Variants in UBE2O observed in about 807,000 individuals in gnomAD.
UBE2O encodes (E3-independent) E2 ubiquitin-conjugating enzyme.
In UBE2O, 15 loss-of-function variants were observed where a neutral mutation model predicts 125.8. The ratio of observed to expected loss-of-function variants is 0.12; its 90% CI spans 0.08 to 0.18. The LOEUF (loss-of-function observed/expected upper bound fraction) is 0.18, where lower values mean the gene tolerates loss of function less well. Among genes scored for constraint, UBE2O ranks in the 10% least tolerant of loss-of-function variants. The pLI, the probability that UBE2O is intolerant of heterozygous loss-of-function variation, is 1.00. For synonymous variants in UBE2O, 708 were observed against 703.2 expected, an observed-to-expected ratio of 1.01 and a Z score of -0.11; for missense variants, 1,280 against 1,723.6, an observed-to-expected ratio of 0.74 and a Z score of 4.56.
chr17:76,446,321 A>T (rs1374760579), intron 1 of UBE2O, among the ~76,000 whole-genome samples: 3 of 152,222 alleles, frequency 2.0e-5, no homozygotes, highest in African/African-American at 7.2e-5. Context: ...TTCATGTTAT[A>T]CACGACAATT....
chr17:76,399,714 C>T lies in UBE2O; in HGVS notation c.1363G>A (p.Glu455Lys), dbSNP rs34603906. 104 of 1,614,038 alleles carry T rather than the reference C, an allele frequency of 6.4e-5. No homozygotes were observed. Among genetic ancestry groups the T allele is most frequent in the Non-Finnish European group, 8.5e-5 (100 of 1,180,044 alleles). ...AATGGGGGCAGCTGCTCTCCTGCCT[C>T]GTGGGGCTCCTCTGCACCCTCGTCC... is the stretch of plus-strand genomic sequence containing the variant. ...MQDEGAEEPH[E>K]AGEQLPPFLL... The change falls in exon 9 of 18, where the codon GAG becomes AAG. Residue 455 changes from glutamate (E) to lysine (K), a missense_variant. Glu to Lys is a moderately conservative substitution (Grantham distance 56). This residue lies in a region of UBE2O where 141 missense variants were observed against 141.3 expected (regional missense o/e 1.00). Coordinates refer to ENST00000319380, the MANE Select transcript of UBE2O (RefSeq NM_022066.4). This position sits in a 1 kb window ranked among gnomAD's most constrained non-coding sequence, Gnocchi z 6.9.
intron 1 of UBE2O, among the ~76,000 whole-genome samples, chr17:76,434,549 T>G (rs1443614110): frequency 6.6e-6 from 1 of 152,098 alleles, no homozygotes; most frequent in Non-Finnish European, 1.5e-5. Context: ...AAGCATGAAT[T>G]AGGGTGACTC....
chr17:76,402,762 AT>A lies in UBE2O; in HGVS notation c.589-64del. 2 of 1,363,718 alleles carry A rather than the reference AT, an allele frequency of 1.5e-6. No individual in the cohort carries two copies. The highest frequency in any genetic ancestry group is 2.1e-6 in the Non-Finnish European group (2 of 952,476). 84.5% of individuals were successfully genotyped at this position (1,363,718 alleles called of 1,614,324 possible). On this transcript the variant is annotated intron_variant, in intron 3 of 17. Coordinates refer to ENST00000319380, the MANE Select transcript of UBE2O (RefSeq NM_022066.4). The surrounding 1 kb of genome is among the most constrained non-coding windows in gnomAD (Gnocchi z 5.4). ...GACAACGTTCATGTCCAGGGCACAG[AT>A]TCCTCTATGCCCCACCGAAGACAGG...
rs1314958297 is a variant in UBE2O, at chr17:76,405,563, C to G, written c.427G>C (p.Glu143Gln). ...QHVKETKLKL[E>Q]DRSVVPRDVV... ...TCTCGGGGCACCACAGAACGGTCCT[C>G]TAGTTTCAGCTGTAAAAGAAAATAC... is the stretch of plus-strand genomic sequence containing the variant. The change falls in exon 2 of 18, where the codon GAG becomes CAG. Residue 143 changes from glutamate to glutamine, a missense_variant. Around this residue, in one of 10 missense-constraint regions of UBE2O, gnomAD observed 206 missense variants for 315.7 expected, o/e 0.65. Coordinates refer to ENST00000319380, the MANE Select transcript of UBE2O (RefSeq NM_022066.4). The surrounding 1 kb of genome is among the most constrained non-coding windows in gnomAD (Gnocchi z 6.1). 2 of 1,592,888 alleles carry G rather than the reference C, an allele frequency of 1.3e-6. No individual in the cohort carries two copies. The highest frequency in any genetic ancestry group is 1.1e-5 in the South Asian group (1 of 87,012).
At chr17:76,442,860 T>TAC (rs2073095783) in intron 1 of UBE2O, among the ~76,000 whole-genome samples, 1 of 152,070 alleles carries the variant, frequency 6.6e-6, no homozygotes, top group African/African-American at 2.4e-5. Context: ...GGGAGAAGGC[T>TAC]ACACAGTGCA....
chr17:76,431,186 T>C lies in UBE2O; in HGVS notation c.417+21539A>G, dbSNP rs181611114. On this transcript the variant is annotated intron_variant, in intron 1 of 17. Coordinates refer to ENST00000319380, the MANE Select transcript of UBE2O (RefSeq NM_022066.4). ...ATCTTTGTTTTGCAAAGTACTTATA[T>C]ACAACTAGATCTGAAGATGAAGGAG... The C allele has an allele frequency of 2.4e-4, 39 of 164,604 alleles. No homozygotes were observed. The East Asian group carries it at 7.2e-3, about 31-fold the overall frequency. The allele number at this position is 164,604 out of a possible 1,614,324, so 10.2% of individuals were successfully genotyped here.
chr17:76,393,422 A>T (rs2072149422), intron 15 of UBE2O, among the ~76,000 whole-genome samples: 2 of 151,712 alleles, frequency 1.3e-5, no homozygotes, highest in South Asian at 4.2e-4. Context: ...TTTAATAGAG[A>T]CGGGGTTTCA....
At chr17:76,423,447 A>G (rs2072741505) in intron 1 of UBE2O, among the ~76,000 whole-genome samples, 1 of 151,964 alleles carries the variant, frequency 6.6e-6, no homozygotes, top group Non-Finnish European at 1.5e-5. Context: ...TAATCCCAGC[A>G]CTTCGGGAGG....
intron 13 of UBE2O, among the ~76,000 whole-genome samples, chr17:76,397,266 C>T (rs892961031): frequency 1.3e-5 from 2 of 152,128 alleles, no homozygotes; most frequent in Admixed American, 6.6e-5. Context: ...CTGGAATGGC[C>T]GTTAAGGTGA....
At chr17:76,438,294 T>C (rs1179719838) in intron 1 of UBE2O, among the ~76,000 whole-genome samples, 1 of 152,206 alleles carries the variant, frequency 6.6e-6, no homozygotes, top group East Asian at 1.9e-4. Flanking sequence ...ATGTACTTAA[T>C]GGCACTGAAC....
chr17:76,407,771 T>G (rs2072449796), intron 1 of UBE2O, among the ~76,000 whole-genome samples: 1 of 152,244 alleles, frequency 6.6e-6, no homozygotes, highest in Non-Finnish European at 1.5e-5. Flanking sequence ...CAGTGCCCAG[T>G]GCTCCCAGGA....
At chr17:76,417,815 G>GA (rs905812901) in intron 1 of UBE2O, among the ~76,000 whole-genome samples, 38 of 152,320 alleles carry the variant, frequency 2.5e-4, no homozygotes, top group African/African-American at 7.7e-4. Flanking sequence ...GGATGCATCA[G>GA]CGTCCGCGAA....
At chr17:76,424,571 T>TA (rs1194173037) in intron 1 of UBE2O, among the ~76,000 whole-genome samples, 5 of 152,060 alleles carry the variant, frequency 3.3e-5, no homozygotes, top group Non-Finnish European at 7.4e-5. Flanking sequence ...CTGAGTTAAA[T>TA]AAAACATTAA....
Position 76,396,429 on chromosome 17 carries a change from C to T in UBE2O, c.2508G>A (p.Ser836=), listed in dbSNP as rs569340257. The change falls in exon 14 of 18, where the codon TCG becomes TCA. Residue 836 remains serine, a synonymous_variant. Transcript: ENST00000319380. The surrounding 1 kb of genome is among the most constrained non-coding windows in gnomAD (Gnocchi z 6.7). ...CAGGCTCCACAGTCGGAGAGGTGGG[C>T]GAGCCCGTCAGCAGCTGCTCCACAG... ...NMTVEQLLTG[S]PTSPTVEPEK... 84 of 1,614,116 alleles carry T rather than the reference C, an allele frequency of 5.2e-5. No homozygotes were observed. The highest frequency in any genetic ancestry group is 2.9e-4 in the South Asian group (26 of 91,076).
chr17:76,403,771 G>C (rs1051113079), intron 3 of UBE2O, among the ~76,000 whole-genome samples: 3 of 152,124 alleles, frequency 2.0e-5, no homozygotes, highest in African/African-American at 7.2e-5. Context: ...AGAAATGGTT[G>C]ATTCTGGGGC....
intron 1 of UBE2O, among the ~76,000 whole-genome samples, chr17:76,427,824 G>C (rs917559197): frequency 6.6e-6 from 1 of 152,188 alleles, no homozygotes; most frequent in Admixed American, 6.5e-5. Context: ...TCCCATGGGG[G>C]AAATTTTCTT....
chr17:76,402,822 C>G lies in UBE2O; in HGVS notation c.589-123G>C. 1 of 812,692 alleles carries G rather than the reference C, an allele frequency of 1.2e-6. No homozygotes were observed. The highest frequency in any genetic ancestry group is 2.1e-6 in the Non-Finnish European group (1 of 485,936). 50.3% of individuals were successfully genotyped at this position (812,692 alleles called of 1,614,324 possible). On this transcript the variant is annotated intron_variant, in intron 3 of 17. Coordinates refer to ENST00000319380, the MANE Select transcript of UBE2O (RefSeq NM_022066.4). This position sits in a 1 kb window ranked among gnomAD's most constrained non-coding sequence, Gnocchi z 5.4. ...GGATCTAGACAGCTCACTGACTGGA[C>G]CGGTTGGCTACTAGCCCTAAACAGC...
chr17:76,442,923 C>A (rs1035318528), intron 1 of UBE2O, among the ~76,000 whole-genome samples: 3 of 152,142 alleles, frequency 2.0e-5, no homozygotes, highest in African/African-American at 7.2e-5. Flanking sequence ...AATGCAGGCA[C>A]AGGATGCAAG....
chr17:76,413,670 C>T (rs1270115201), intron 1 of UBE2O, among the ~76,000 whole-genome samples: 4 of 152,068 alleles, frequency 2.6e-5, no homozygotes, highest in Non-Finnish European at 5.9e-5. Context: ...GCACCTGCGC[C>T]GACTCTCGGT....
Sources: gnomAD v4.1 joint callset for allele counts (sites outside exome capture counted in the v4.1 genomes callset) on GRCh38, gnomAD v4.1.1 for gene constraint, gnomAD v4.1.1 regional missense constraint, Gnocchi (gnomAD v3.1) non-coding constraint, MANE v1.5 for transcripts, NCBI Gene and HGNC (gene_info 2026-07-23, HGNC 2026-07-21) for gene names.